SHANK2: variants seen among roughly 807,000 people sequenced by gnomAD.
The protein encoded by SHANK2 is SH3 and multiple ankyrin repeat domains protein 2.
Under a neutral mutation model 133.7 loss-of-function variants are expected in SHANK2, and 43 were observed. The ratio of observed to expected loss-of-function variants is 0.32; its 90% CI spans 0.25 to 0.41. The LOEUF (loss-of-function observed/expected upper bound fraction) is 0.41, where lower values mean the gene tolerates loss of function less well. SHANK2 is among the 10% of genes least tolerant of loss of function. The pLI is 1.00. For missense variants in SHANK2, 1,994 were observed against 2,235.8 expected (o/e 0.89, Z 2.18); for synonymous variants, 1,017 against 952.8 (o/e 1.07, Z -1.24).
intron 10 of SHANK2, among the ~76,000 whole-genome samples, chr11:70,922,104 G>C (rs922893056): frequency 1.3e-5 from 2 of 152,188 alleles, no homozygotes; most frequent in Non-Finnish European, 2.9e-5. Context: ...GGAATCAATC[G>C]TAAACTCTAG....
At chr11:71,133,269 G>T (rs1313553574) in intron 3 of SHANK2, among the ~76,000 whole-genome samples, 1 of 151,018 alleles carries the variant, frequency 6.6e-6, no homozygotes, top group Non-Finnish European at 1.5e-5. Context: ...TGGATGGATG[G>T]ATGGATGGAT....
chr11:70,721,126 C>T (rs560398185), intron 14 of SHANK2, among the ~76,000 whole-genome samples: 77 of 152,332 alleles, frequency 5.1e-4, no homozygotes, highest in South Asian at 2.1e-3. Flanking sequence ...CCAGTTAACA[C>T]CTGGACATCT....
chr11:70,785,803 C>T (rs1024034941), intron 14 of SHANK2, among the ~76,000 whole-genome samples: 1 of 152,200 alleles, frequency 6.6e-6, no homozygotes, highest in Non-Finnish European at 1.5e-5. Flanking sequence ...TCCCCCATCT[C>T]GGGCACCAGG....
chr11:71,213,771 G>C (rs897761072), intron 2 of SHANK2, among the ~76,000 whole-genome samples: 1 of 152,112 alleles, frequency 6.6e-6, no homozygotes, highest in African/African-American at 2.4e-5. Context: ...ACAGAGGAAC[G>C]GCCTTTCTGA....
intron 17 of SHANK2, among the ~76,000 whole-genome samples, chr11:70,558,932 T>G (rs1313321479): frequency 6.6e-6 from 1 of 152,210 alleles, no homozygotes; most frequent in Non-Finnish European, 1.5e-5. Flanking sequence ...AAGAGAGATG[T>G]GCTCGGGGCA....
At chr11:70,854,474 C>T (rs1949137620) in intron 11 of SHANK2, among the ~76,000 whole-genome samples, 1 of 152,174 alleles carries the variant, frequency 6.6e-6, no homozygotes, top group Non-Finnish European at 1.5e-5. Flanking sequence ...CCTCAGATTC[C>T]ACCCCCAGTG....
intron 2 of SHANK2, among the ~76,000 whole-genome samples, chr11:71,168,748 G>A (rs1953244152): frequency 6.6e-6 from 1 of 152,108 alleles, no homozygotes; most frequent in Non-Finnish European, 1.5e-5. Flanking sequence ...TCAGGCAGCA[G>A]TACCGTCCAG....
intron 11 of SHANK2, among the ~76,000 whole-genome samples, chr11:70,887,197 G>A (rs782670379): frequency 1.1e-4 from 16 of 152,162 alleles, no homozygotes; most frequent in Non-Finnish European, 1.6e-4. Context: ...AGAAGCCATC[G>A]TCCAGGCTCT....
At chr11:70,557,796 C>T (rs2136113123) in intron 17 of SHANK2, among the ~76,000 whole-genome samples, 1 of 152,338 alleles carries the variant, frequency 6.6e-6, no homozygotes, top group South Asian at 2.1e-4. Flanking sequence ...TTCCAACGGA[C>T]AAGCGGCTTT....
intron 17 of SHANK2, among the ~76,000 whole-genome samples, chr11:70,619,019 C>T (rs1554996888): frequency 1.3e-5 from 2 of 152,200 alleles, no homozygotes; most frequent in South Asian, 2.1e-4. Flanking sequence ...CTTACCCACA[C>T]CCTTCGTCCT....
At chr11:70,670,253 G>A (rs1555015734) in intron 15 of SHANK2, among the ~76,000 whole-genome samples, 1 of 152,230 alleles carries the variant, frequency 6.6e-6, no homozygotes, top group African/African-American at 2.4e-5. Flanking sequence ...CCTGGTGAAG[G>A]CAGGAACTGG....
chr11:71,077,428 C>T (rs1036409047), intron 8 of SHANK2, among the ~76,000 whole-genome samples: 12 of 152,134 alleles, frequency 7.9e-5, no homozygotes, highest in South Asian at 4.1e-4. Context: ...AGAGATGAAA[C>T]GGAACCGCTG....
chr11:70,589,980 C>G (rs367595806), intron 17 of SHANK2, among the ~76,000 whole-genome samples: 1 of 152,100 alleles, frequency 6.6e-6, no homozygotes, highest in Non-Finnish European at 1.5e-5. Context: ...AGTGAAACCC[C>G]GTCTCTACTA....
At chr11:70,547,743 G>A (rs1207453264) in intron 17 of SHANK2, among the ~76,000 whole-genome samples, 2 of 152,188 alleles carry the variant, frequency 1.3e-5, no homozygotes, top group Non-Finnish European at 2.9e-5. Context: ...TAGCTGACTT[G>A]AAAGGCTGAG....
chr11:70,796,040 T>G (rs1311577874), intron 14 of SHANK2, among the ~76,000 whole-genome samples: 3 of 151,936 alleles, frequency 2.0e-5, no homozygotes, highest in African/African-American at 4.8e-5. Flanking sequence ...TTAAATAACC[T>G]CCTCCCACAG....
In SHANK2 at chr11:70,486,034, C is replaced by G; in HGVS notation, c.4259G>C (p.Ser1420Thr). 1 of 1,614,002 alleles carries G rather than the reference C, an allele frequency of 6.2e-7. No homozygotes were observed. The highest frequency in any genetic ancestry group is 8.5e-7 in the Non-Finnish European group (1 of 1,179,994). ...TGCCCGGTCATCGGGGATATCAAAA[C>G]TATTTGCAAATTCCAGGGGAGGAGG... ...PLPPPLEFAN[S>T]FDIPDDRAAS... The change falls in exon 25 of 26, where the codon AGT (serine) becomes ACT (threonine). Residue 1420 changes from serine (S) to threonine (T), a missense_variant. Around this residue, in one of 5 missense-constraint regions of SHANK2, gnomAD observed 797 missense variants for 907.4 expected, o/e 0.88. Coordinates refer to ENST00000601538, the MANE Select transcript of SHANK2 (RefSeq NM_012309.5). This position sits in a 1 kb window ranked among gnomAD's most constrained non-coding sequence, Gnocchi z 8.0.
rs540097672 is a variant in SHANK2 at position 70,486,267 on chromosome 11, G to A, written c.4026C>T (p.Asp1342=). The A allele has an allele frequency of 1.9e-6, 3 of 1,614,000 alleles. No individual in the cohort carries two copies. The highest frequency in any genetic ancestry group is 1.1e-5 in the South Asian group (1 of 91,078). The change falls in exon 25 of 26, where the codon GAC becomes GAT. Residue 1342 remains aspartate, a synonymous_variant. Coordinates refer to ENST00000601538, the MANE Select transcript of SHANK2 (RefSeq NM_012309.5). The surrounding 1 kb of genome is among the most constrained non-coding windows in gnomAD (Gnocchi z 8.0). Reference sequence around the variant, plus strand: ...CTTCTGGCACCTCGGACGGCGAGCTGTCTGGCTTCATCTCCACCTCTGCCT... The same window carrying A: ...CTTCTGGCACCTCGGACGGCGAGCTATCTGGCTTCATCTCCACCTCTGCCT... ...DEKAEVEMKP[D]SSPSEVPEGV...
chr11:70,709,806 C>T (rs988784921), intron 14 of SHANK2, among the ~76,000 whole-genome samples: 7 of 149,902 alleles, frequency 4.7e-5, no homozygotes, highest in African/African-American at 9.8e-5. Flanking sequence ...GTCCATGTGA[C>T]GGCTGAGCAC....
intron 3 of SHANK2, among the ~76,000 whole-genome samples, chr11:71,134,366 C>T (rs549344927): frequency 7.2e-5 from 11 of 151,742 alleles, no homozygotes; most frequent in South Asian, 6.3e-4. Flanking sequence ...CTCACTCATC[C>T]GTGAATTTCC....
Sources: allele counts gnomAD v4.1 joint callset (sites outside exome capture counted in the v4.1 genomes callset), GRCh38; gene constraint gnomAD v4.1.1; regional missense constraint gnomAD v4.1.1; non-coding constraint Gnocchi (gnomAD v3.1); transcripts MANE v1.5; gene names NCBI Gene and HGNC (gene_info 2026-07-23, HGNC 2026-07-21).